CUBN: variants seen among roughly 807,000 people sequenced by gnomAD.
CUBN encodes the protein cubilin, also known as 460 kDa receptor.
A neutral mutation model predicts 405.3 loss-of-function variants in CUBN; 282 were observed. That is an observed-to-expected ratio of 0.70 (90% CI 0.63 to 0.77). The LOEUF is 0.77. Ranked by LOEUF, CUBN falls within the 30% of genes least tolerant of loss-of-function variation. CUBN has a pLI of 0.00. For missense variants in CUBN, 4,514 were observed against 4,475.2 expected (o/e 1.01, Z -0.25); for synonymous variants, 1,684 against 1,617.0 (o/e 1.04, Z -0.99).
intron 22 of CUBN, among the ~76,000 whole-genome samples, 156 bp from the exon 23 acceptor site, chr10:17,047,759 T>A (rs1012274404): frequency 6.6e-6 from 1 of 152,128 alleles, no homozygotes; most frequent in South Asian, 2.1e-4. Flanking sequence ...GAAACAAAGT[T>A]TTTGTAATCT....
chr10:17,060,172 A>G (rs755725152), intron 22 of CUBN, among the ~76,000 whole-genome samples: 5 of 150,630 alleles, frequency 3.3e-5, no homozygotes, highest in Non-Finnish European at 7.4e-5. Flanking sequence ...CCCAGGCTGG[A>G]GTGCAGTGGT....
intron 4 of CUBN, among the ~76,000 whole-genome samples, chr10:17,125,040 C>T (rs1279424473): frequency 6.6e-6 from 1 of 151,752 alleles, no homozygotes; most frequent in African/African-American, 2.4e-5. Flanking sequence ...CCATGTTGAC[C>T]AGGCTGATCT....
At chr10:16,937,080 T>C (rs1367479612) in intron 39 of CUBN, among the ~76,000 whole-genome samples, 2 of 152,126 alleles carry the variant, frequency 1.3e-5, no homozygotes, top group East Asian at 3.9e-4. Flanking sequence ...TCACTTTCAC[T>C]GAGGGGATTA....
Position 17,003,668 on chromosome 10 carries a change from T to C in CUBN, c.4169-13153A>G, listed in dbSNP as rs76098511. ...TGAAGAAATTATTAGGAAGAGAGAATGCGGCAATTGATCTAATATTTTCTG... is the reference window on the plus strand; with the variant it reads ...TGAAGAAATTATTAGGAAGAGAGAACGCGGCAATTGATCTAATATTTTCTG... On this transcript the variant is annotated intron_variant, in intron 28 of 66. Transcript: ENST00000377833. Among the ~76,000 whole-genome samples the C allele has an allele frequency of 4.9e-3, 741 of 152,298 alleles. 3 individuals are homozygous for C. The highest frequency in any genetic ancestry group is 0.034 in the East Asian group (175 of 5,178).
rs185134116 is a variant in CUBN, at chr10:16,946,290, T to C, written c.5342+945A>G. Reference sequence around the variant, plus strand: ...TAAAATGTGTGCTTTTTACATCTACTCTAGGACATATTATTGTTGCTGTCT... The same window carrying C: ...TAAAATGTGTGCTTTTTACATCTACCCTAGGACATATTATTGTTGCTGTCT... On this transcript the variant is annotated intron_variant, in intron 36 of 66. Coordinates refer to ENST00000377833, the MANE Select transcript of CUBN (RefSeq NM_001081.4). 2.1e-3 allele frequency among the ~76,000 whole-genome samples: 325 copies of C among 152,260 alleles called. 2 individuals carry two copies. The highest frequency in any genetic ancestry group is 5.8e-3 in the Admixed American group (89 of 15,290).
chr10:16,879,253 C>T (rs946330849), intron 56 of CUBN, among the ~76,000 whole-genome samples: 5 of 152,170 alleles, frequency 3.3e-5, no homozygotes, highest in African/African-American at 1.2e-4. Context: ...TAATTTTAGC[C>T]ATTCTGGTGC....
At chr10:16,879,419 C>A (rs1400121027) in intron 56 of CUBN, among the ~76,000 whole-genome samples, 1 of 152,214 alleles carries the variant, frequency 6.6e-6, no homozygotes, top group East Asian at 1.9e-4. Flanking sequence ...ATCCACATCA[C>A]CCCAACACAC....
At chr10:16,864,534 GT>G (rs1434048731) in intron 59 of CUBN, among the ~76,000 whole-genome samples, 1 of 151,828 alleles carries the variant, frequency 6.6e-6, no homozygotes, top group Non-Finnish European at 1.5e-5. Context: ...AAATTGATCA[GT>G]TTTTTAGTAG....
chr10:16,868,293 T>C (rs1840245318), intron 59 of CUBN, among the ~76,000 whole-genome samples: 1 of 152,200 alleles, frequency 6.6e-6, no homozygotes, highest in Admixed American at 6.5e-5. Flanking sequence ...TTTCCTCAAG[T>C]ACTGCATGGA....
At chr10:17,077,513 G>A (rs1316460699) in intron 17 of CUBN, among the ~76,000 whole-genome samples, 1 of 152,130 alleles carries the variant, frequency 6.6e-6, no homozygotes, top group Non-Finnish European at 1.5e-5. Flanking sequence ...TCCAGATTTG[G>A]TTTTATACTA....
intron 22 of CUBN, among the ~76,000 whole-genome samples, chr10:17,052,892 G>T (rs151299576): frequency 3.1e-4 from 47 of 150,346 alleles, no homozygotes; most frequent in African/African-American, 9.7e-4. Flanking sequence ...CACACAGAAG[G>T]ATAGGCACAT....
intron 54 of CUBN, among the ~76,000 whole-genome samples, chr10:16,893,731 G>A (rs187957392): frequency 5.1e-4 from 78 of 152,182 alleles, no homozygotes; most frequent in African/African-American, 1.8e-3. Context: ...ACATTCCACG[G>A]TAAGCAAGTA....
chr10:17,118,696 C>A (rs1836962774), intron 6 of CUBN, among the ~76,000 whole-genome samples: 1 of 152,198 alleles, frequency 6.6e-6, no homozygotes, highest in Non-Finnish European at 1.5e-5. Flanking sequence ...CTCGGCCTCC[C>A]AAAATGCTGG....
At chr10:16,987,050 G>A (rs1017473357) in intron 29 of CUBN, among the ~76,000 whole-genome samples, 7 of 152,200 alleles carry the variant, frequency 4.6e-5, no homozygotes, top group Admixed American at 2.0e-4. Flanking sequence ...AAAGCCTATC[G>A]CAGAGAGGCC....
At chr10:17,031,611 G>C (rs572240502) in intron 27 of CUBN, among the ~76,000 whole-genome samples, 1 of 152,280 alleles carries the variant, frequency 6.6e-6, no homozygotes, top group South Asian at 2.1e-4. Context: ...TCTTGCGAAC[G>C]AGTGCTAGAG....
intron 6 of CUBN, among the ~76,000 whole-genome samples, chr10:17,116,213 C>A (rs71491133): frequency 6.6e-6 from 1 of 152,160 alleles, no homozygotes; most frequent in Non-Finnish European, 1.5e-5. Flanking sequence ...TTACACTATG[C>A]GTAAGCTAGC....
intron 38 of CUBN, among the ~76,000 whole-genome samples, chr10:16,938,367 T>A (rs1842573754): frequency 6.6e-6 from 1 of 152,188 alleles, no homozygotes; most frequent in South Asian, 2.1e-4. Context: ...TCTGTGATAA[T>A]TTTTAAATAG....
At chr10:17,116,471 G>T (rs746524655) in intron 6 of CUBN, among the ~76,000 whole-genome samples, 2 of 152,152 alleles carry the variant, frequency 1.3e-5, no homozygotes, top group African/African-American at 4.8e-5. Context: ...GCCGATTGCC[G>T]GACTTGAGCA....
chr10:16,931,530 G>A (rs537996306), intron 40 of CUBN, among the ~76,000 whole-genome samples: 4 of 152,290 alleles, frequency 2.6e-5, no homozygotes, highest in African/African-American at 7.2e-5. Context: ...CTTTCAAGCC[G>A]CCCTGTGCCT....
Sources: gnomAD v4.1 joint callset for allele counts (sites outside exome capture counted in the v4.1 genomes callset) on GRCh38, gnomAD v4.1.1 for gene constraint, MANE v1.5 for transcripts, NCBI Gene and HGNC (gene_info 2026-07-23, HGNC 2026-07-21) for gene names.